Variants in SMARCA2 observed in about 807,000 individuals in gnomAD.
SMARCA2 encodes the protein SWI/SNF related BAF chromatin remodeling complex subunit ATPase 2.
A neutral mutation model predicts 199.8 loss-of-function variants in SMARCA2; 61 were observed. That is an observed-to-expected ratio of 0.31 (90% CI 0.25 to 0.38). The LOEUF (loss-of-function observed/expected upper bound fraction) is 0.38. Among genes scored for constraint, SMARCA2 ranks in the 10% least tolerant of loss-of-function variants. The pLI is 1.00. For missense variants in SMARCA2, 1,344 were observed against 2,012.2 expected (o/e 0.67, Z 6.35); for synonymous variants, 935 against 732.0 (o/e 1.28, Z -4.48).
intron 27 of SMARCA2, chr9:2,160,333 G>A: frequency 6.3e-6 from 3 of 479,702 alleles, no homozygotes; most frequent in East Asian, 3.2e-5. Flanking sequence ...TAAGGCCTAG[G>A]CTCAGACTGT....
intron 4 of SMARCA2, chr9:2,041,602 A>C: frequency 2.6e-6 from 1 of 391,958 alleles, no homozygotes; most frequent in Non-Finnish European, 4.5e-6. Flanking sequence ...GGGACCATAA[A>C]CTTTCAGACC....
chr9:2,022,629 A>C (rs1818653618), intron 1 of SMARCA2, among the ~76,000 whole-genome samples: 1 of 152,218 alleles, frequency 6.6e-6, no homozygotes, highest in Non-Finnish European at 1.5e-5. Flanking sequence ...TTTTAACCAC[A>C]GGTTTTTAAA....
In SMARCA2 at chr9:2,054,554, T is replaced by C. The variant is rs1188551526; in HGVS notation, c.1047-43T>C. ...TCATTTAAGATTAAATTGTAATGTG[T>C]TTTTCCCCTGCCCCCTTTTCCCCAT... On this transcript the variant is annotated intron_variant, in intron 5 of 33. Transcript: ENST00000349721. 8 of 1,596,316 alleles carry C rather than the reference T, an allele frequency of 5.0e-6. No homozygotes were observed. In the East Asian group the frequency reaches 1.8e-4, roughly 36 times the overall value.
chr9:2,186,048 A>G (rs1216384123), intron 31 of SMARCA2, 48 bp from the exon 32 acceptor site: 12 of 1,590,142 alleles, frequency 7.5e-6, no homozygotes, highest in Admixed American at 1.7e-5. Context: ...GTTCACTGCC[A>G]TGGTAACTCA....
chr9:2,159,986 C>T, intron 27 of SMARCA2: 2 of 1,540,700 alleles, frequency 1.3e-6, no homozygotes, highest in Non-Finnish European at 1.8e-6. Context: ...TGTAACACAT[C>T]AAAAGCCGGT....
intron 27 of SMARCA2, among the ~76,000 whole-genome samples, chr9:2,133,294 C>T (rs184345944): frequency 4.6e-5 from 7 of 152,068 alleles, no homozygotes; most frequent in Admixed American, 1.3e-4. Flanking sequence ...TGGTTTTTGA[C>T]GTTTTCTGCT....
At chr9:2,127,343 T>A (rs1167112159) in intron 27 of SMARCA2, among the ~76,000 whole-genome samples, 1 of 152,068 alleles carries the variant, frequency 6.6e-6, no homozygotes, top group East Asian at 1.9e-4. Flanking sequence ...CAGATAAGGG[T>A]ATAGATAGAT....
chr9:2,098,408 G>A (rs1244428504), intron 21 of SMARCA2, among the ~76,000 whole-genome samples: 2 of 152,196 alleles, frequency 1.3e-5, no homozygotes, highest in Non-Finnish European at 2.9e-5. Flanking sequence ...AGTTGTACAT[G>A]TCAGGTCAGA....
intron 27 of SMARCA2, among the ~76,000 whole-genome samples, chr9:2,124,713 T>C (rs1823612069): frequency 6.6e-6 from 1 of 152,210 alleles, no homozygotes; most frequent in African/African-American, 2.4e-5. Flanking sequence ...CTCATTTTGA[T>C]TGAGGACTGA....
chr9:2,167,859 G>A (rs1826012022), intron 28 of SMARCA2, among the ~76,000 whole-genome samples: 2 of 152,082 alleles, frequency 1.3e-5, no homozygotes, highest in Admixed American at 1.3e-4. Flanking sequence ...TGCAGTGGAA[G>A]AGATAGCTTT....
At chr9:2,134,899 CTCAGACT>C (rs1304517220) in intron 27 of SMARCA2, among the ~76,000 whole-genome samples, 1 of 152,184 alleles carries the variant, frequency 6.6e-6, no homozygotes, top group Admixed American at 6.5e-5. Flanking sequence ...ATACCCTATC[CTCAGACT>C]TCCAGCCTCC....
chr9:2,032,755 T>C, intron 2 of SMARCA2, 197 bp from the exon 3 acceptor site: 1 of 440,688 alleles, frequency 2.3e-6, no homozygotes. Flanking sequence ...AAAACAACCC[T>C]CCACTGTTTA....
chr9:2,123,848 G>A lies in SMARCA2; in HGVS notation c.3892G>A (p.Glu1298Lys). The A allele has an allele frequency of 1.2e-6, 2 of 1,610,714 alleles. No individual in the cohort carries two copies. Among genetic ancestry groups the A allele is most frequent in the South Asian group, 2.2e-5 (2 of 90,234 alleles). The change falls in exon 27 of 34, where the codon GAA (glutamate) becomes AAA (lysine). Residue 1298 changes from glutamate to lysine, a missense_variant. This residue lies in a region of SMARCA2 where 63 missense variants were observed against 83.3 expected (regional missense o/e 0.76). Transcript: ENST00000349721. This position sits in a 1 kb window ranked among gnomAD's most constrained non-coding sequence, Gnocchi z 4.1. ...DAEVERLTCE[E>K]EEEKIFGRGS... is the part of the protein sequence containing the mutation. Reference sequence around the variant, plus strand: ...TGAAGTAGAAAGGCTCACCTGTGAAGAAGAGGAGGAGAAAATATTTGGGAG... The same window carrying A: ...TGAAGTAGAAAGGCTCACCTGTGAAAAAGAGGAGGAGAAAATATTTGGGAG...
intron 32 of SMARCA2, among the ~76,000 whole-genome samples, chr9:2,190,916 A>G (rs1313486412): frequency 2.0e-5 from 3 of 152,210 alleles, no homozygotes; most frequent in Non-Finnish European, 4.4e-5. Context: ...TAAAAGTTCT[A>G]TTAAATGATT....
intron 9 of SMARCA2, among the ~76,000 whole-genome samples, chr9:2,062,097 G>C (rs1016037339): frequency 1.3e-5 from 2 of 152,154 alleles, no homozygotes; most frequent in African/African-American, 4.8e-5. Flanking sequence ...GAACATATAC[G>C]TAAGGGGGGA....
chr9:2,055,270 A>G (rs1382754404), intron 6 of SMARCA2, among the ~76,000 whole-genome samples: 2 of 152,266 alleles, frequency 1.3e-5, no homozygotes, highest in African/African-American at 4.8e-5. Flanking sequence ...TGTATTGACT[A>G]ATCAGTAAAT....
intron 29 of SMARCA2, among the ~76,000 whole-genome samples, chr9:2,175,466 A>G (rs1021057713): frequency 5.3e-5 from 8 of 152,174 alleles, no homozygotes; most frequent in Admixed American, 2.6e-4. Context: ...ACATATTAAA[A>G]CTTTTGTGTA....
At chr9:2,154,934 A>G (rs1251815091) in intron 27 of SMARCA2, among the ~76,000 whole-genome samples, 1 of 152,206 alleles carries the variant, frequency 6.6e-6, no homozygotes, top group East Asian at 1.9e-4. Context: ...AAGAGTAGAT[A>G]GTAACTTGAT....
chr9:2,075,549 A>C (rs1433388090), intron 12 of SMARCA2, among the ~76,000 whole-genome samples: 1 of 152,260 alleles, frequency 6.6e-6, no homozygotes, highest in African/African-American at 2.4e-5. Context: ...GATGTGAATC[A>C]GCCACAGAAA....
Sources: allele counts gnomAD v4.1 joint callset (sites outside exome capture counted in the v4.1 genomes callset), GRCh38; gene constraint gnomAD v4.1.1; regional missense constraint gnomAD v4.1.1; non-coding constraint Gnocchi (gnomAD v3.1); transcripts MANE v1.5; gene names NCBI Gene and HGNC (gene_info 2026-07-23, HGNC 2026-07-21).